The following SETD6 variants were observed in gnomAD, a reference collection of about 807,000 sequenced individuals.
The protein encoded by SETD6 is SET domain containing 6, protein lysine methyltransferase.
SETD6 carries 67 observed loss-of-function variants against 52.7 expected under a neutral mutation model. The ratio of observed to expected loss-of-function variants is 1.27; its 90% CI spans 1.04 to 1.56. SETD6 has a LOEUF of 1.56. Among genes scored for constraint, SETD6 ranks in the 40% most tolerant of loss-of-function variants. The pLI, the probability that SETD6 is intolerant of heterozygous loss-of-function variation, is 0.00. For synonymous variants in SETD6, 307 were observed against 250.2 expected (o/e 1.23, Z -2.14); for missense variants, 712 against 607.5 (o/e 1.17, Z -1.81).
upstream of SETD6, chr16:58,515,479 A>G: frequency 6.5e-7 from 1 of 1,538,762 alleles, no homozygotes; most frequent in Non-Finnish European, 8.7e-7. Flanking sequence ...GGGCGGGGCC[A>G]GAGACGCCGG....
At position 58,519,249 on chromosome 16, in the gene SETD6, G is replaced by C. The variant is rs534113302; in HGVS notation, c.*220G>C. On this transcript the variant is annotated 3_prime_UTR_variant, in exon 8 of 8. Coordinates refer to ENST00000219315, the MANE Select transcript of SETD6 (RefSeq NM_001160305.4). ...GAATCACTGCTAATTGTTACTTAAA[G>C]CATGTTACAGATGTTTTGTTCTCAG... 1.1e-4 allele frequency: 60 copies of C among 532,074 alleles called. No homozygotes were observed. Among genetic ancestry groups the C allele is most frequent in the South Asian group, 1.1e-3 (45 of 40,818 alleles). 33.0% of individuals were successfully genotyped at this position (532,074 alleles called of 1,614,324 possible). A position where few individuals can be genotyped will look rare whatever the true frequency, so the allele number is the denominator to read the frequency against.
Position 58,520,955 on chromosome 16 carries a change from C to G in SETD6, c.*1926C>G, listed in dbSNP as rs768747654. The G allele has an allele frequency of 2.5e-6, 4 of 1,612,860 alleles. No individual in the cohort carries two copies. In the Admixed American group the frequency reaches 5.0e-5, roughly 20 times the overall value. On this transcript the variant is annotated 3_prime_UTR_variant, in exon 8 of 8. Transcript: ENST00000219315. The stretch of plus-strand genomic sequence containing the variant: ...GACACGTACAACAGAGATGCAGTTT[C>G]GTCTAACTGGCACCTGTCCCTTCCA...
intron 6 of SETD6, 50 bp downstream of exon 6, chr16:58,518,281 C>T (rs761200398): frequency 3.7e-6 from 6 of 1,609,000 alleles, no homozygotes; most frequent in Admixed American, 3.3e-5. Context: ...TGTCTATACC[C>T]ATGCCTCAGG....
In SETD6 at chr16:58,521,395, A is replaced by G. The variant is rs950234879; in HGVS notation, c.*2366A>G. 19 of 1,437,988 alleles carry G rather than the reference A, an allele frequency of 1.3e-5. No homozygotes were observed. The African/African-American group carries it at 2.0e-4, about 15-fold the overall frequency. The allele number at this position is 1,437,988 out of a possible 1,614,324, so 89.1% of individuals were successfully genotyped here. A position where few individuals can be genotyped will look rare whatever the true frequency, so the allele number is the denominator to read the frequency against. ...ATTATTCTTCCATTACTTTTTTTCT[A>G]ACTTCTCCCTGACTATTGAACCACA... On this transcript the variant is annotated 3_prime_UTR_variant, in exon 8 of 8. Coordinates refer to ENST00000219315, the MANE Select transcript of SETD6 (RefSeq NM_001160305.4).
Position 58,519,915 on chromosome 16 carries a change from G to A in SETD6, c.*886G>A, listed in dbSNP as rs2039303383. ...ACTTTTCCTCCTCACCACCAGCACT[G>A]GCTGCTGCTACTGAGAAAGGCACAG... On this transcript the variant is annotated 3_prime_UTR_variant, in exon 8 of 8. Coordinates refer to ENST00000219315, the MANE Select transcript of SETD6 (RefSeq NM_001160305.4). 6.6e-6 allele frequency: 1 copy of A among 152,208 alleles called. No individual in the cohort carries two copies. The highest frequency in any genetic ancestry group is 2.4e-5 in the African/African-American group (1 of 41,452). 9.4% of individuals were successfully genotyped at this position (152,208 alleles called of 1,614,324 possible).
rs2039341532 is a variant in SETD6, at chr16:58,520,803, A to AG, written c.*1775dup. On this transcript the variant is annotated 3_prime_UTR_variant, in exon 8 of 8. Coordinates refer to ENST00000219315, the MANE Select transcript of SETD6 (RefSeq NM_001160305.4). ...TTAAACTTTGGAACGTGCCCACATA[A>AG]GACAGGAGGCTGATCCCAACAGTAG... is the stretch of plus-strand genomic sequence containing the variant. The AG allele has an allele frequency of 8.2e-6, 6 of 731,754 alleles. No individual in the cohort carries two copies. In the South Asian group the frequency reaches 1.1e-4, roughly 14 times the overall value. 45.3% of individuals were successfully genotyped at this position (731,754 alleles called of 1,614,324 possible).
intron 5 of SETD6, 25 bp from the exon 6 acceptor site, chr16:58,518,026 C>A: frequency 6.2e-7 from 1 of 1,613,970 alleles, no homozygotes; most frequent in Non-Finnish European, 8.5e-7. Context: ...AAAGGCATGG[C>A]CCCAGCTTCT....
chr16:58,519,067 T>TTTA lies in SETD6; in HGVS notation c.*41_*43dup. On this transcript the variant is annotated 3_prime_UTR_variant, in exon 8 of 8. Transcript: ENST00000219315. The stretch of plus-strand genomic sequence containing the variant: ...TCCCTGAAGGAACAGCAATAAGAAC[T>TTTA]TTATTCTAAGCTAATACTCATTGAT... 6.4e-7 allele frequency: 1 copy of TTTA among 1,555,160 alleles called. No homozygotes were observed. The highest frequency in any genetic ancestry group is 8.7e-7 in the Non-Finnish European group (1 of 1,150,774).
rs1427180576 is a variant in SETD6, at chr16:58,520,989, T to C, written c.*1960T>C. The C allele has an allele frequency of 6.2e-6, 10 of 1,613,928 alleles. No individual in the cohort carries two copies. The highest frequency in any genetic ancestry group is 1.3e-5 in the African/African-American group (1 of 74,944). ...GGCACCTGTCCCTTCCATTACTTGC[T>C]GGGCCTGCTTCTGTCCCATGCAGCA... On this transcript the variant is annotated 3_prime_UTR_variant, in exon 8 of 8. Coordinates refer to ENST00000219315, the MANE Select transcript of SETD6 (RefSeq NM_001160305.4).
chr16:58,515,499 CG>C, upstream of SETD6: 1 of 1,568,734 alleles, frequency 6.4e-7, no homozygotes. Context: ...GAAGTGACCG[CG>C]CGGTGCGCCG....
chr16:58,518,213 C>T lies in SETD6; in HGVS notation c.955C>T (p.Arg319Cys), dbSNP rs767058417. ...DTADIQMVTV[R>C]EAALQGTKTE... ...AGCTGACATTCAGATGGTGACAGTT[C>T]GTGAGGCAGCATTACAGGGTGAGTG... The change falls in exon 6 of 8, where the codon CGT becomes TGT. Residue 319 changes from arginine (R) to cysteine (C), a missense_variant. Coordinates refer to ENST00000219315, the MANE Select transcript of SETD6 (RefSeq NM_001160305.4). 30 of 1,614,088 alleles carry T rather than the reference C, an allele frequency of 1.9e-5. No homozygotes were observed. Among genetic ancestry groups the T allele is most frequent in the East Asian group, 4.5e-5 (2 of 44,906 alleles).
rs531847215 is a variant in SETD6 at position 58,520,169 on chromosome 16, CAATT to C, written c.*1148_*1151del. On this transcript the variant is annotated 3_prime_UTR_variant, in exon 8 of 8. Coordinates refer to ENST00000219315, the MANE Select transcript of SETD6 (RefSeq NM_001160305.4). ...CATTCAGTGGGGTAATGGGGGAGAA[CAATT>C]AATTAATGAGATTTGGTTCCCTTTC... 2.2e-4 allele frequency: 34 copies of C among 151,754 alleles called. No individual in the cohort carries two copies. Among genetic ancestry groups the C allele is most frequent in the African/African-American group, 4.4e-4 (18 of 41,344 alleles). The allele number at this position is 151,754 out of a possible 1,614,324, so 9.4% of individuals were successfully genotyped here.
In SETD6 at chr16:58,523,252, CA is replaced by C. The variant is rs903222270; in HGVS notation, c.*4233del. ...AGAGCAACACTCCGTCTCAAAAAAA[CA>C]AAAAAAAAACCAACCAAACGGATTT... is the stretch of plus-strand genomic sequence containing the variant. On this transcript the variant is annotated 3_prime_UTR_variant, in exon 8 of 8. Coordinates refer to ENST00000219315, the MANE Select transcript of SETD6 (RefSeq NM_001160305.4). The C allele has an allele frequency of 2.7e-3, 2,742 of 1,019,114 alleles. No individual in the cohort carries two copies. The highest frequency in any genetic ancestry group is 4.3e-3 in the South Asian group (194 of 45,636). The allele number at this position is 1,019,114 out of a possible 1,614,324, so 63.1% of individuals were successfully genotyped here.
At position 58,516,921 on chromosome 16, in the gene SETD6, A is replaced by G. The variant is rs757075683; in HGVS notation, c.785A>G (p.Tyr262Cys). The change falls in exon 5 of 8, where the codon TAC becomes TGC. Residue 262 changes from tyrosine to cysteine, a missense_variant. Tyr to Cys is a radical substitution (Grantham distance 194). Transcript: ENST00000219315. ...HLANHNANLE[Y>C]SANCLRMVAT... Reference sequence around the variant, plus strand: ...GCCAATCACAACGCCAATCTAGAATACTCTGCGGTGAGTGGAGTTTCTCTT... The same window carrying G: ...GCCAATCACAACGCCAATCTAGAATGCTCTGCGGTGAGTGGAGTTTCTCTT... 9.9e-6 allele frequency: 16 copies of G among 1,613,994 alleles called. No individual in the cohort carries two copies. The highest frequency in any genetic ancestry group is 1.4e-5 in the Non-Finnish European group (16 of 1,179,994).
At position 58,522,479 on chromosome 16, in the gene SETD6, A is replaced by G. The variant is rs1202584487; in HGVS notation, c.*3450A>G. ...TATTAAATTTTAGTACACAAATCAA[A>G]GGAATACCATATTTAGCACCATAGG... On this transcript the variant is annotated 3_prime_UTR_variant, in exon 8 of 8. Coordinates refer to ENST00000219315, the MANE Select transcript of SETD6 (RefSeq NM_001160305.4). Among the ~76,000 whole-genome samples the G allele has an allele frequency of 7.5e-5, 11 of 146,648 alleles. No homozygotes were observed. Among genetic ancestry groups the G allele is most frequent in the Non-Finnish European group, 1.5e-5 (1 of 67,488 alleles).
chr16:58,518,727 C>T lies in SETD6; in HGVS notation c.1120C>T (p.Leu374=), dbSNP rs769470609. Residue 374 remains leucine, a synonymous_variant, in exon 8 of 8, where the codon CTG becomes TTG. Transcript: ENST00000219315. ...EEELTTTLKV[L]CMPAEEFREL... ...AGAGCTCTGTGGTTGCTTCTAGGTA[C>T]TGTGCATGCCTGCTGAGGAGTTCAG... is the stretch of plus-strand genomic sequence containing the variant. 6 of 1,613,454 alleles carry T rather than the reference C, an allele frequency of 3.7e-6. No individual in the cohort carries two copies. Among genetic ancestry groups the T allele is most frequent in the Middle Eastern group, 1.7e-4 (1 of 6,032 alleles).
rs1428493012 is a variant in SETD6 at position 58,518,143 on chromosome 16, T to C, written c.885T>C (p.His295=). 1 of 1,614,112 alleles carries C rather than the reference T, an allele frequency of 6.2e-7. No individual in the cohort carries two copies. The highest frequency in any genetic ancestry group is 8.5e-7 in the Non-Finnish European group (1 of 1,180,054). ...YGQMANWQLI[H]MYGFVEPYPD... ...AAATGGCTAACTGGCAACTGATTCATATGTACGGTTTTGTTGAACCATATC... is the reference window on the plus strand; with the variant it reads ...AAATGGCTAACTGGCAACTGATTCACATGTACGGTTTTGTTGAACCATATC... The change falls in exon 6 of 8, where the codon CAT becomes CAC. Residue 295 remains histidine (H), a synonymous_variant. Coordinates refer to ENST00000219315, the MANE Select transcript of SETD6 (RefSeq NM_001160305.4).
At chr16:58,515,515 G>C (rs1414528204), upstream of SETD6, 1 of 1,578,586 alleles carries the variant, frequency 6.3e-7, no homozygotes, top group Admixed American at 1.8e-5. Flanking sequence ...GCGCCGGCCC[G>C]CGAGGAAACG....
At chr16:58,517,863 T>G in intron 5 of SETD6, 188 bp from the exon 6 acceptor site, 1 of 671,638 alleles carries the variant, frequency 1.5e-6, no homozygotes, top group Non-Finnish European at 2.5e-6. Flanking sequence ...AGCTGGCCTT[T>G]TAAAGTTAGC....
Sources: allele counts gnomAD v4.1 joint callset (sites outside exome capture counted in the v4.1 genomes callset), GRCh38; gene constraint gnomAD v4.1.1; transcripts MANE v1.5; gene names NCBI Gene and HGNC (gene_info 2026-07-23, HGNC 2026-07-21).